The following SRGAP3 variants were observed in gnomAD, a reference collection of about 807,000 sequenced individuals.
SRGAP3 encodes SLIT-ROBO Rho GTPase-activating protein 3.
In SRGAP3, 39 loss-of-function variants were observed where a neutral mutation model predicts 121.1. The observed-to-expected ratio is 0.32, with a 90% CI of 0.25 to 0.42. The LOEUF (loss-of-function observed/expected upper bound fraction) is 0.42, where lower values mean the gene tolerates loss of function less well. Among genes scored for constraint, SRGAP3 ranks in the 10% least tolerant of loss-of-function variants. The probability of loss-of-function intolerance (pLI) is 1.00; values close to 1 mark genes in which losing one functional copy is unlikely to be tolerated. For synonymous variants in SRGAP3, 601 were observed against 570.0 expected, an observed-to-expected ratio of 1.05 and a Z score of -0.77; for missense variants, 1,213 against 1,470.6, an observed-to-expected ratio of 0.82 and a Z score of 2.86.
At chr3:9,318,090 G>A (rs1320298056) in intron 3 of SRGAP3, among the ~76,000 whole-genome samples, 1 of 151,894 alleles carries the variant, frequency 6.6e-6, no homozygotes, top group Non-Finnish European at 1.5e-5. Flanking sequence ...CCACTTTCAG[G>A]GAATGCCTCC....
intron 1 of SRGAP3, among the ~76,000 whole-genome samples, chr3:9,163,117 A>G (rs1228192703): frequency 3.9e-5 from 6 of 152,240 alleles, no homozygotes; most frequent in Non-Finnish European, 7.3e-5. Flanking sequence ...AGTGTTCAAT[A>G]AACATGAACA....
chr3:9,076,210 G>A (rs1371874885), intron 4 of SRGAP3, among the ~76,000 whole-genome samples: 2 of 152,072 alleles, frequency 1.3e-5, no homozygotes, highest in Non-Finnish European at 2.9e-5. Context: ...ACAGAATCAC[G>A]AGCACAGAAA....
At chr3:9,056,608 T>C (rs377140772) in intron 7 of SRGAP3, among the ~76,000 whole-genome samples, 73 of 152,334 alleles carry the variant, frequency 4.8e-4, no homozygotes, top group African/African-American at 1.7e-3. Flanking sequence ...TGTGAAGGTT[T>C]ACAAAGAGCC....
At chr3:9,244,706 T>C (rs369824766) in intron 1 of SRGAP3, among the ~76,000 whole-genome samples, 12 of 152,302 alleles carry the variant, frequency 7.9e-5, no homozygotes, top group Admixed American at 5.2e-4. Context: ...AAAAATGTTA[T>C]GGTTTGCCAG....
intron 14 of SRGAP3, among the ~76,000 whole-genome samples, chr3:9,019,559 C>G (rs1309706294): frequency 6.6e-6 from 1 of 152,222 alleles, no homozygotes; most frequent in Non-Finnish European, 1.5e-5. Context: ...GCTGCTCCTC[C>G]TCCTGAACAG....
intron 1 of SRGAP3, among the ~76,000 whole-genome samples, chr3:9,240,178 C>A (rs1953574653): frequency 6.6e-6 from 1 of 152,108 alleles, no homozygotes; most frequent in Admixed American, 6.5e-5. Flanking sequence ...TCTTAGGGAA[C>A]ATTATCCCAA....
intron 4 of SRGAP3, among the ~76,000 whole-genome samples, chr3:9,064,801 C>T (rs1421721398): frequency 1.3e-5 from 2 of 151,802 alleles, no homozygotes; most frequent in Admixed American, 6.6e-5. Flanking sequence ...TCAACAACAA[C>T]ATCATTAAGC....
In SRGAP3 at chr3:9,154,272, CCAAA is replaced by C. The variant is rs34700589; in HGVS notation, c.68-29359_68-29356del. ...TTCATTGGCATTCTCACCCTCATCA[CCAAA>C]CAGTGTTCATTTCTTCACCACCGCC... On this transcript the variant is annotated intron_variant, in intron 1 of 21. Coordinates refer to ENST00000383836, the MANE Select transcript of SRGAP3 (RefSeq NM_014850.4). Among the ~76,000 whole-genome samples, 1,159 of 152,212 alleles carry C rather than the reference CCAAA, an allele frequency of 7.6e-3. 4 individuals are homozygous for C. The highest frequency in any genetic ancestry group is 0.013 in the Non-Finnish European group (851 of 68,010).
At chr3:9,353,809 A>G (rs1190785874) in intron 1 of SRGAP3, among the ~76,000 whole-genome samples, 1 of 152,112 alleles carries the variant, frequency 6.6e-6, no homozygotes, top group Non-Finnish European at 1.5e-5. Flanking sequence ...CTTGGGGGAG[A>G]TGGAATTTCA....
intron 18 of SRGAP3, 38 bp downstream of exon 18, chr3:9,010,270 A>G (rs1438298883): frequency 6.2e-7 from 1 of 1,612,556 alleles, no homozygotes; most frequent in Admixed American, 1.7e-5. Flanking sequence ...GAGAGGCCCC[A>G]GGAAGAATCC....
chr3:9,298,368 C>T (rs2125273260), intron 3 of SRGAP3, among the ~76,000 whole-genome samples: 1 of 152,268 alleles, frequency 6.6e-6, no homozygotes, highest in South Asian at 2.1e-4. Context: ...CTGACTAACT[C>T]AACTAGAATT....
chr3:9,240,616 A>C (rs1355397119), intron 1 of SRGAP3, among the ~76,000 whole-genome samples: 1 of 152,212 alleles, frequency 6.6e-6, no homozygotes, highest in African/African-American at 2.4e-5. Flanking sequence ...TACAGCAATG[A>C]ACCAAGCAGA....
At chr3:9,337,217 C>T (rs1171616236) in intron 1 of SRGAP3, among the ~76,000 whole-genome samples, 1 of 152,208 alleles carries the variant, frequency 6.6e-6, no homozygotes, top group Non-Finnish European at 1.5e-5. Flanking sequence ...GAGCAACATG[C>T]TTTACTCAGT....
chr3:9,325,535 A>G (rs911208951), intron 3 of SRGAP3, among the ~76,000 whole-genome samples: 4 of 151,950 alleles, frequency 2.6e-5, no homozygotes, highest in African/African-American at 9.6e-5. Context: ...TTAAAGTAGA[A>G]TTTGCTGTGG....
intron 4 of SRGAP3, among the ~76,000 whole-genome samples, chr3:9,072,050 C>CACT (rs1946747420): frequency 6.6e-6 from 1 of 152,148 alleles, no homozygotes; most frequent in Non-Finnish European, 1.5e-5. Flanking sequence ...AGTCCCTTGC[C>CACT]ACTAAACAAA....
intron 2 of SRGAP3, among the ~76,000 whole-genome samples, chr3:9,113,618 TC>T (rs1948706032): frequency 6.6e-6 from 1 of 152,092 alleles, no homozygotes; most frequent in Admixed American, 6.5e-5. Context: ...TTTGGCTGTG[TC>T]CCCACCCAAA....
chr3:9,202,892 C>A lies in SRGAP3; in HGVS notation c.67+45993G>T, dbSNP rs117735967. Among the ~76,000 whole-genome samples the A allele has an allele frequency of 7.4e-4, 113 of 152,324 alleles. 3 individuals are homozygous for A. The East Asian group carries it at 0.018, about 25-fold the overall frequency. On this transcript the variant is annotated intron_variant, in intron 1 of 21. Transcript: ENST00000383836. ...AGGCTGAAGTAAGCCTCCTTCCTTT[C>A]CTTTTGTGGGAAAACCAACTGCAGT...
chr3:9,318,828 G>A (rs911483101), intron 3 of SRGAP3, among the ~76,000 whole-genome samples: 2 of 151,592 alleles, frequency 1.3e-5, no homozygotes, highest in African/African-American at 4.8e-5. Context: ...GCAGTGACCT[G>A]TGATCACACA....
In SRGAP3 at chr3:9,056,336, T is replaced by A; in HGVS notation, c.1024-2A>T. On this transcript the variant is annotated splice_acceptor_variant, in intron 7 of 21. Transcript: ENST00000383836. LOFTEE classifies it high-confidence loss of function. ...CTGCTGAGCGCTGACCTGGCAGACC[T>A]GCAGGAATAACAGCCACCATCTGTG... The A allele has an allele frequency of 6.2e-7, 1 of 1,612,236 alleles. No individual in the cohort carries two copies. The highest frequency in any genetic ancestry group is 8.5e-7 in the Non-Finnish European group (1 of 1,179,822).
Sources: gnomAD v4.1 joint callset for allele counts (sites outside exome capture counted in the v4.1 genomes callset) on GRCh38, gnomAD v4.1.1 for gene constraint, MANE v1.5 for transcripts, NCBI Gene and HGNC (gene_info 2026-07-23, HGNC 2026-07-21) for gene names.